The following AGO2 variants were observed in gnomAD, a reference collection of about 807,000 sequenced individuals.
AGO2 encodes the protein argonaute RISC catalytic component 2.
In AGO2, 5 loss-of-function variants were observed where a neutral mutation model predicts 102.3. The observed-to-expected ratio is 0.05, with a 90% CI of 0.03 to 0.10. AGO2 has a LOEUF of 0.10. Ranked by LOEUF, AGO2 falls within the 10% of genes least tolerant of loss-of-function variation. The probability of loss-of-function intolerance (pLI) is 1.00; values close to 1 mark genes in which losing one functional copy is unlikely to be tolerated. For missense variants in AGO2, 541 were observed against 1,183.7 expected (o/e 0.46, Z 7.97); for synonymous variants, 449 against 473.1 (o/e 0.95, Z 0.66).
chr8:140,618,436 CT>C (rs1425336272), intron 1 of AGO2, among the ~76,000 whole-genome samples: 1 of 152,174 alleles, frequency 6.6e-6, no homozygotes, highest in Non-Finnish European at 1.5e-5. Context: ...CTACAGTTAG[CT>C]GTGACTGTGC....
intron 2 of AGO2, among the ~76,000 whole-genome samples, chr8:140,576,033 A>G (rs1028673765): frequency 6.6e-6 from 1 of 152,172 alleles, no homozygotes; most frequent in Non-Finnish European, 1.5e-5. Flanking sequence ...AAATGAAAAG[A>G]CAAGGCCAGG....
intron 3 of AGO2, 63 bp downstream of exon 3, chr8:140,572,749 A>G (rs752301180): frequency 3.8e-6 from 6 of 1,572,416 alleles, no homozygotes; most frequent in Non-Finnish European, 5.2e-6. Flanking sequence ...GACAGACTTT[A>G]CAACATGTGT....
intron 11 of AGO2, 128 bp from the exon 12 acceptor site, chr8:140,549,426 T>C (rs2072957506): frequency 1.1e-6 from 1 of 918,432 alleles, no homozygotes; most frequent in Non-Finnish European, 1.6e-6. Context: ...TCAAAATTGT[T>C]CTTAAAGTCC....
chr8:140,610,048 A>G (rs1588504226), intron 1 of AGO2, among the ~76,000 whole-genome samples: 1 of 143,192 alleles, frequency 7.0e-6, no homozygotes, highest in Non-Finnish European at 1.5e-5. Flanking sequence ...AAAAAAAAAA[A>G]AAAAAGAAAA....
rs990244945 is a variant in AGO2 at position 140,539,193 on chromosome 8, G to A, written c.2169+127C>T. 39 of 1,359,652 alleles carry A rather than the reference G, an allele frequency of 2.9e-5. 1 individual carries two copies. In the East Asian group the frequency reaches 3.8e-4, roughly 13 times the overall value. 84.2% of individuals were successfully genotyped at this position (1,359,652 alleles called of 1,614,324 possible). On this transcript the variant is annotated intron_variant, in intron 16 of 18. Coordinates refer to ENST00000220592, the MANE Select transcript of AGO2 (RefSeq NM_012154.5). The surrounding 1 kb of genome is among the most constrained non-coding windows in gnomAD (Gnocchi z 4.7). The stretch of plus-strand genomic sequence containing the variant: ...ACCTGGGTCCCCATGAAGCCCCTTA[G>A]AGGACAGAGTCACCCTAGAGCCTGG...
chr8:140,607,459 TATATATATATATATATATATATATA>T (rs2074015734), intron 1 of AGO2, among the ~76,000 whole-genome samples: 2 of 2,080 alleles, frequency 9.6e-4, no homozygotes, highest in Non-Finnish European at 1.8e-3. Flanking sequence ...AAAGAAAAAT[TATATATATATATATATATATATATA>T]TATATATATA....
intron 1 of AGO2, among the ~76,000 whole-genome samples, chr8:140,634,950 G>A (rs1180908884): frequency 1.3e-5 from 2 of 152,010 alleles, no homozygotes; most frequent in Non-Finnish European, 2.9e-5. Context: ...GGCTGGGGTC[G>A]GGACCGGCGC....
chr8:140,602,413 C>A (rs1415035572), intron 1 of AGO2, among the ~76,000 whole-genome samples: 1 of 152,152 alleles, frequency 6.6e-6, no homozygotes, highest in Non-Finnish European at 1.5e-5. Context: ...AAGAATACTC[C>A]CACATTTATC....
intron 1 of AGO2, among the ~76,000 whole-genome samples, chr8:140,613,844 C>T (rs1273209491): frequency 7.4e-6 from 1 of 135,938 alleles, no homozygotes; most frequent in African/African-American, 2.7e-5. Context: ...AGAGAGACCT[C>T]GTCTCCACAA....
intron 1 of AGO2, among the ~76,000 whole-genome samples, chr8:140,588,288 C>G (rs538857266): frequency 7.1e-4 from 108 of 152,282 alleles, no homozygotes; most frequent in African/African-American, 2.5e-3. Context: ...GATTCTAGCA[C>G]AGCGCACCTC....
rs1470093201 is a variant in AGO2, at chr8:140,531,953, G to C, written c.*91C>G. On this transcript the variant is annotated 3_prime_UTR_variant, in exon 19 of 19. Transcript: ENST00000220592. ...CAATGACGTCTCATGTTCGATGCTG[G>C]CTGTCACGGAAGGGCTGGCCATCTG... 1.9e-6 allele frequency: 2 copies of C among 1,066,576 alleles called. No homozygotes were observed. Among genetic ancestry groups the C allele is most frequent in the Non-Finnish European group, 2.9e-6 (2 of 696,218 alleles). 66.1% of individuals were successfully genotyped at this position (1,066,576 alleles called of 1,614,324 possible).
In AGO2 at chr8:140,525,071, C is replaced by T. The variant is rs1011150422; in HGVS notation, c.*6973G>A. ...AGGGGGCTGGGGGCTGAGGTGAGGA[C>T]TTAACCCTTTAATCATACCACCCAC... On this transcript the variant is annotated 3_prime_UTR_variant, in exon 19 of 19. Coordinates refer to ENST00000220592, the MANE Select transcript of AGO2 (RefSeq NM_012154.5). 2 of 152,222 alleles carry T rather than the reference C, an allele frequency of 1.3e-5. No homozygotes were observed. The highest frequency in any genetic ancestry group is 2.9e-5 in the Non-Finnish European group (2 of 68,038). 9.4% of individuals were successfully genotyped at this position (152,222 alleles called of 1,614,324 possible). A position where few individuals can be genotyped will look rare whatever the true frequency, so the allele number is the denominator to read the frequency against.
Position 140,558,599 on chromosome 8 carries a change from C to T in AGO2, c.791-27G>A, listed in dbSNP as rs760090451. On this transcript the variant is annotated intron_variant, in intron 6 of 18. Transcript: ENST00000220592. ...TGGGGACACAGAACACAGGCATCGG[C>T]ATCGGGGCTGTCCCGACCTGAGTGC... The T allele has an allele frequency of 6.8e-6, 11 of 1,611,940 alleles. No individual in the cohort carries two copies. In the East Asian group the frequency reaches 2.0e-4, roughly 29 times the overall value.
At chr8:140,613,415 T>C (rs1021205154) in intron 1 of AGO2, among the ~76,000 whole-genome samples, 2 of 152,210 alleles carry the variant, frequency 1.3e-5, no homozygotes, top group African/African-American at 4.8e-5. Context: ...CATGTTGTTG[T>C]ATCAAATGTT....
At chr8:140,604,720 G>T (rs1405116310) in intron 1 of AGO2, among the ~76,000 whole-genome samples, 4 of 151,734 alleles carry the variant, frequency 2.6e-5, no homozygotes, top group African/African-American at 9.7e-5. Context: ...CCAGCTACAT[G>T]GGGGGCTGAG....
rs957151627 is a variant in AGO2, at chr8:140,529,319, GT to G, written c.*2724del. 23 of 152,140 alleles carry G rather than the reference GT, an allele frequency of 1.5e-4. No individual in the cohort carries two copies. Among genetic ancestry groups the G allele is most frequent in the African/African-American group, 5.6e-4 (23 of 41,412 alleles). 9.4% of individuals were successfully genotyped at this position (152,140 alleles called of 1,614,324 possible). ...GGGACTTACCCTACTGTACTTTGAG[GT>G]TTTTACACTGTCTCAAAATTTATCC... On this transcript the variant is annotated 3_prime_UTR_variant, in exon 19 of 19. Coordinates refer to ENST00000220592, the MANE Select transcript of AGO2 (RefSeq NM_012154.5).
chr8:140,575,236 C>A (rs1013631812), intron 2 of AGO2, among the ~76,000 whole-genome samples: 2 of 135,078 alleles, frequency 1.5e-5, no homozygotes, highest in Non-Finnish European at 3.3e-5. Flanking sequence ...GCACAATCTC[C>A]CCTGGCACCT....
chr8:140,625,874 T>G (rs780711005), intron 1 of AGO2, among the ~76,000 whole-genome samples: 11 of 152,210 alleles, frequency 7.2e-5, no homozygotes, highest in Non-Finnish European at 1.6e-4. Context: ...TAAGGTGTGA[T>G]GAGTGAGCGT....
intron 1 of AGO2, among the ~76,000 whole-genome samples, chr8:140,628,346 G>A (rs2074300677): frequency 6.6e-6 from 1 of 152,206 alleles, no homozygotes; most frequent in Non-Finnish European, 1.5e-5. Flanking sequence ...GAGGAGGACG[G>A]CAGCCCCACC....
Sources: gnomAD v4.1 joint callset for allele counts (sites outside exome capture counted in the v4.1 genomes callset) on GRCh38, gnomAD v4.1.1 for gene constraint, Gnocchi (gnomAD v3.1) non-coding constraint, MANE v1.5 for transcripts, NCBI Gene and HGNC (gene_info 2026-07-23, HGNC 2026-07-21) for gene names.